LARGE1: variants seen among roughly 807,000 people sequenced by gnomAD.
LARGE1 encodes xylosyl- and glucuronyltransferase LARGE1.
In LARGE1, 43 loss-of-function variants were observed where a neutral mutation model predicts 87.6. The ratio of observed to expected loss-of-function variants is 0.49; its 90% CI spans 0.38 to 0.63. The LOEUF (loss-of-function observed/expected upper bound fraction) is 0.63, where lower values mean the gene tolerates loss of function less well. LARGE1 is among the 30% of genes least tolerant of loss of function. LARGE1 has a pLI of 0.00. For synonymous variants in LARGE1, 434 were observed against 394.6 expected, an observed-to-expected ratio of 1.10 and a Z score of -1.18; for missense variants, 802 against 1,000.2, an observed-to-expected ratio of 0.80 and a Z score of 2.67.
chr22:33,635,389 G>A (rs1371829061), intron 3 of LARGE1, among the ~76,000 whole-genome samples: 1 of 152,110 alleles, frequency 6.6e-6, no homozygotes, highest in Admixed American at 6.5e-5. Flanking sequence ...CATAAACCCT[G>A]TCTCATTCAC....
rs199814201 is a variant in LARGE1, at chr22:33,201,326, GAA to G, written c.1731-34496_1731-34495del. 8.5e-3 allele frequency among the ~76,000 whole-genome samples: 1,205 copies of G among 141,394 alleles called. 7 individuals carry two copies. The highest frequency in any genetic ancestry group is 0.023 in the Middle Eastern group (6 of 258). 92.8% of individuals were successfully genotyped at this position (141,394 alleles called of 152,430 possible). On this transcript the variant is annotated intron_variant, in intron 11 of 11. Transcript: ENST00000608642. ...TCCATCTCAAAAAGAAAGAAAGAGA[GAA>G]AGAGAGAGAGAAAGAAAGAGAGAGA... is the stretch of plus-strand genomic sequence containing the variant.
At chr22:33,071,478 C>T in the LARGE1 span, among the ~76,000 whole-genome samples, 1 of 152,254 alleles carries the variant, frequency 6.6e-6, no homozygotes, top group Non-Finnish European at 1.5e-5. Context: ...GTAGGGGGCA[C>T]ATTTGTCGAT....
chr22:33,423,383 A>T (rs938809743), intron 7 of LARGE1, among the ~76,000 whole-genome samples: 11 of 152,078 alleles, frequency 7.2e-5, no homozygotes, highest in African/African-American at 1.2e-4. Context: ...TCTTTAAAAA[A>T]ATTATAATTA....
At chr22:33,802,462 G>A (rs955905559) in intron 1 of LARGE1, among the ~76,000 whole-genome samples, 1 of 152,180 alleles carries the variant, frequency 6.6e-6, no homozygotes, top group African/African-American at 2.4e-5. Context: ...ATTAAAGATG[G>A]CTCTGAGTAA....
At position 33,567,366 on chromosome 22, in the gene LARGE1, G is replaced by A. The variant is rs139968538; in HGVS notation, c.616-2347C>T. 1.2e-4 allele frequency among the ~76,000 whole-genome samples: 18 copies of A among 152,214 alleles called. No homozygotes were observed. The East Asian group carries it at 3.5e-3, about 29-fold the overall frequency. ...AAAATATACTCAGTAATAAGCTCCCGCCCTTCTTCCTGATCCCTCTATCTT... is the reference window on the plus strand; with the variant it reads ...AAAATATACTCAGTAATAAGCTCCCACCCTTCTTCCTGATCCCTCTATCTT... On this transcript the variant is annotated intron_variant, in intron 5 of 14. Coordinates refer to ENST00000397394, the MANE Select transcript of LARGE1 (RefSeq NM_133642.5).
the LARGE1 span, among the ~76,000 whole-genome samples, chr22:33,087,229 GAA>G: frequency 6.6e-6 from 1 of 151,320 alleles, no homozygotes; most frequent in Non-Finnish European, 1.5e-5. Flanking sequence ...ATTTTAAGTA[GAA>G]AAAATTTGTC....
intron 2 of LARGE1, among the ~76,000 whole-genome samples, chr22:33,747,308 C>A (rs1415867385): frequency 6.6e-6 from 1 of 152,040 alleles, no homozygotes; most frequent in African/African-American, 2.4e-5. Context: ...CTGACCTCAT[C>A]CACCATGTTG....
chr22:33,736,109 A>G (rs1165273281), intron 2 of LARGE1, among the ~76,000 whole-genome samples: 1 of 152,032 alleles, frequency 6.6e-6, no homozygotes. Context: ...AATTTTGTAC[A>G]TGTTTTTGTT....
chr22:33,502,689 C>T (rs1014613102), intron 6 of LARGE1, among the ~76,000 whole-genome samples: 1 of 152,150 alleles, frequency 6.6e-6, no homozygotes, highest in Non-Finnish European at 1.5e-5. Flanking sequence ...CTACCTCAGC[C>T]TCCCAAGTAG....
At chr22:33,389,498 A>T (rs2065440068) in intron 7 of LARGE1, among the ~76,000 whole-genome samples, 1 of 152,216 alleles carries the variant, frequency 6.6e-6, no homozygotes, top group Admixed American at 6.5e-5. Flanking sequence ...GGACAACTGA[A>T]AGCCAGACAA....
At chr22:33,533,452 A>G (rs2076953538) in intron 6 of LARGE1, among the ~76,000 whole-genome samples, 1 of 152,132 alleles carries the variant, frequency 6.6e-6, no homozygotes, top group South Asian at 2.1e-4. Flanking sequence ...ACTTTGCGGC[A>G]GGCTGCCTCG....
intron 1 of LARGE1, among the ~76,000 whole-genome samples, chr22:33,884,398 C>T (rs550967288): frequency 3.0e-4 from 45 of 152,340 alleles, no homozygotes; most frequent in African/African-American, 1.0e-3. Flanking sequence ...CAGGGTGAGT[C>T]AGTGTGGGAG....
At chr22:33,189,117 T>C (rs530576838) in intron 11 of LARGE1, among the ~76,000 whole-genome samples, 2 of 152,200 alleles carry the variant, frequency 1.3e-5, no homozygotes, top group Admixed American at 1.3e-4. Context: ...GCATCTGAGA[T>C]CCCAAGAGGT....
At chr22:33,765,969 G>A (rs1569435451) in intron 1 of LARGE1, among the ~76,000 whole-genome samples, 1 of 152,080 alleles carries the variant, frequency 6.6e-6, no homozygotes, top group Non-Finnish European at 1.5e-5. Context: ...ATTAAACCCA[G>A]CAGGTAAAAA....
At chr22:33,296,899 C>T (rs1178130613) in intron 12 of LARGE1, among the ~76,000 whole-genome samples, 1 of 152,158 alleles carries the variant, frequency 6.6e-6, no homozygotes, top group Non-Finnish European at 1.5e-5. Flanking sequence ...CTGCTGTGCC[C>T]TTGGGCATGT....
intron 7 of LARGE1, among the ~76,000 whole-genome samples, chr22:33,405,237 G>A (rs908339138): frequency 3.3e-5 from 5 of 152,198 alleles, no homozygotes; most frequent in Admixed American, 1.3e-4. Context: ...AGAACAAAAT[G>A]CAAATTCTGT....
rs542004225 is a variant in LARGE1 at position 33,422,717 on chromosome 22, G to T, written c.892+9444C>A. ...GTAGAGATGGGGTTTCACCATGTTG[G>T]CCAGGCTGGTCTCGAACTCCTGACC... On this transcript the variant is annotated intron_variant, in intron 7 of 14. Transcript: ENST00000397394. 3.3e-5 allele frequency among the ~76,000 whole-genome samples: 5 copies of T among 151,992 alleles called. No homozygotes were observed. The South Asian group carries it at 1.0e-3, about 32-fold the overall frequency.
rs183732752 is a variant in LARGE1, at chr22:33,205,919, C to T, written c.1731-39087G>A. On this transcript the variant is annotated intron_variant, in intron 11 of 11. Transcript: ENST00000608642. Reference sequence around the variant, plus strand: ...TCAGCCTCCTGAGCAGCTGGGATTACGGGTGCCCACTACCATGCCATGCTA... The same window carrying T: ...TCAGCCTCCTGAGCAGCTGGGATTATGGGTGCCCACTACCATGCCATGCTA... Among the ~76,000 whole-genome samples, 324 of 146,304 alleles carry T rather than the reference C, an allele frequency of 2.2e-3. 1 individual carries two copies. The highest frequency in any genetic ancestry group is 3.8e-3 in the Non-Finnish European group (254 of 66,668).
intron 2 of LARGE1, among the ~76,000 whole-genome samples, chr22:33,680,368 A>G: frequency 6.6e-6 from 1 of 152,016 alleles, no homozygotes; most frequent in East Asian, 1.9e-4. Context: ...ACAAATTTGT[A>G]TTGATCAGGC....
Sources: gnomAD v4.1 joint callset for allele counts (sites outside exome capture counted in the v4.1 genomes callset) on GRCh38, gnomAD v4.1.1 for gene constraint, MANE v1.5 for transcripts, NCBI Gene and HGNC (gene_info 2026-07-23, HGNC 2026-07-21) for gene names.